CDO1: variants seen among roughly 807,000 people sequenced by gnomAD.
CDO1 encodes cysteine dioxygenase, type I.
In CDO1, 19 loss-of-function variants were observed where a neutral mutation model predicts 24.5. That is an observed-to-expected ratio of 0.77 (90% confidence interval 0.54 to 1.14). The LOEUF (loss-of-function observed/expected upper bound fraction) is 1.14, where lower values mean the gene tolerates loss of function less well. CDO1 is among the 50% of genes most tolerant of loss of function. The pLI, the probability that CDO1 is intolerant of heterozygous loss-of-function variation, is 0.00. For missense variants in CDO1, 244 were observed against 244.8 expected (o/e 1.00, Z 0.02); for synonymous variants, 91 against 87.0 (o/e 1.05, Z -0.26).
chr5:115,813,427 T>C lies in CDO1; in HGVS notation c.171-169A>G, dbSNP rs1760285324. Among the ~76,000 whole-genome samples the C allele has an allele frequency of 2.6e-5, 4 of 152,212 alleles. No individual in the cohort carries two copies. The South Asian group carries it at 8.3e-4, about 32-fold the overall frequency. On this transcript the variant is annotated intron_variant, in intron 1 of 4. Transcript: ENST00000250535. ...GAAATCCAACACAAATGAAAAATCC[T>C]TTTTCACAGTTCATTTTGAACCGCT...
intron 2 of CDO1, among the ~76,000 whole-genome samples, chr5:115,811,923 T>C (rs1276484000): frequency 6.6e-6 from 1 of 152,182 alleles, no homozygotes; most frequent in Non-Finnish European, 1.5e-5. Flanking sequence ...CCAACATTGG[T>C]GGGAAAAAGT....
chr5:115,812,409 T>C (rs2112689540), intron 2 of CDO1, among the ~76,000 whole-genome samples: 1 of 152,334 alleles, frequency 6.6e-6, no homozygotes, highest in East Asian at 1.9e-4. Context: ...AAAGAATCAG[T>C]ATAAGTTGCC....
intron 1 of CDO1, 78 bp from the exon 2 acceptor site, chr5:115,813,336 G>T: frequency 1.3e-6 from 1 of 770,080 alleles, no homozygotes; most frequent in East Asian, 2.5e-5. Context: ...GTGTCACCAA[G>T]TACCATTTAT....
At position 115,813,157 on chromosome 5, in the gene CDO1, T is replaced by C. The variant is rs576306177; in HGVS notation, c.248+24A>G. The C allele has an allele frequency of 2.5e-5, 34 of 1,341,782 alleles. 1 individual carries two copies. In the South Asian group the frequency reaches 3.9e-4, roughly 15 times the overall value. 83.1% of individuals were successfully genotyped at this position (1,341,782 alleles called of 1,614,324 possible). Reference sequence around the variant, plus strand: ...GCTAGAAAACATGCTCTAATAAATATCTGTGAATGAATAGTTATTTTACCT... The same window carrying C: ...GCTAGAAAACATGCTCTAATAAATACCTGTGAATGAATAGTTATTTTACCT... On this transcript the variant is annotated intron_variant, in intron 2 of 4. Coordinates refer to ENST00000250535, the MANE Select transcript of CDO1 (RefSeq NM_001801.3).
chr5:115,808,521 G>GA (rs1340598140), intron 3 of CDO1, among the ~76,000 whole-genome samples: 1 of 151,586 alleles, frequency 6.6e-6, no homozygotes, highest in Admixed American at 6.6e-5. Flanking sequence ...AACCAAGAAT[G>GA]AAAAAAAATC....
At chr5:115,813,319 A>C (rs1349917311) in intron 1 of CDO1, 61 bp from the exon 2 acceptor site, 5 of 894,074 alleles carry the variant, frequency 5.6e-6, no homozygotes, top group Non-Finnish European at 9.4e-6. Flanking sequence ...CACTGGAAAA[A>C]ATAAGTGTGT....
Position 115,816,247 on chromosome 5 carries a change from C to G in CDO1, c.151G>C (p.Ala51Pro). 1 of 1,614,154 alleles carries G rather than the reference C, an allele frequency of 6.2e-7. No individual in the cohort carries two copies. The highest frequency in any genetic ancestry group is 1.7e-5 in the Admixed American group (1 of 60,024). Residue 51 changes from alanine to proline, a missense_variant, in exon 1 of 5, where the codon GCC (alanine) becomes CCC (proline). Physicochemically the swap from Ala to Pro is conservative, Grantham distance 27. Transcript: ENST00000250535. ...ESDPTEWAMY[A>P]KFDQYRYTRN... ...GCTCACCTGTACTGGTCGAACTTGG[C>G]GTACATTGCCCACTCGGTGGGGTCG...
At chr5:115,816,069 T>G (rs1760424858) in intron 1 of CDO1, among the ~76,000 whole-genome samples, 159 bp downstream of exon 1, 1 of 152,018 alleles carries the variant, frequency 6.6e-6, no homozygotes, top group Admixed American at 6.5e-5. Context: ...CCCAAGCGAG[T>G]CGTGCCAGCC....
chr5:115,808,896 C>T (rs563645987), intron 3 of CDO1, among the ~76,000 whole-genome samples: 1 of 152,158 alleles, frequency 6.6e-6, no homozygotes, highest in Admixed American at 6.5e-5. Context: ...TGATCTAGCT[C>T]CATGAGTGCA....
intron 3 of CDO1, chr5:115,809,816 C>T (rs1036350363): frequency 4.6e-5 from 7 of 152,060 alleles, no homozygotes; most frequent in Admixed American, 3.9e-4. Flanking sequence ...CATATAAAAC[C>T]CAGAATTTCC....
In CDO1 at chr5:115,805,505, C is replaced by A. The variant is rs187114576; in HGVS notation, c.574-43G>T. 7,926 of 1,595,636 alleles carry A rather than the reference C, an allele frequency of 5.0e-3. 33 individuals carry two copies. The highest frequency in any genetic ancestry group is 5.6e-3 in the Non-Finnish European group (6,474 of 1,164,626). On this transcript the variant is annotated intron_variant, in intron 4 of 4. Coordinates refer to ENST00000250535, the MANE Select transcript of CDO1 (RefSeq NM_001801.3). The stretch of plus-strand genomic sequence containing the variant: ...AAAGAAAGCTGTGTAAGAAACTTTA[C>A]AAAAGACATTTTAACTCCTTCTAAA...
intron 3 of CDO1, 140 bp from the exon 4 acceptor site, chr5:115,806,658 A>T: frequency 1.5e-6 from 1 of 658,096 alleles, no homozygotes; most frequent in Admixed American, 3.6e-5. Flanking sequence ...ACTTGCAGTT[A>T]AAGATAGTAA....
chr5:115,810,506 C>G (rs1032907506), intron 3 of CDO1, among the ~76,000 whole-genome samples: 95 of 152,142 alleles, frequency 6.2e-4, no homozygotes, highest in African/African-American at 2.2e-3. Flanking sequence ...TTTAATCTTC[C>G]TATGTGTTGG....
chr5:115,809,738 A>G (rs905237314), intron 3 of CDO1: 8 of 152,196 alleles, frequency 5.3e-5, no homozygotes, highest in African/African-American at 1.7e-4. Flanking sequence ...CTTTTAAGTT[A>G]TTTGGGTAAT....
intron 1 of CDO1, among the ~76,000 whole-genome samples, chr5:115,815,617 T>C (rs2112697708): frequency 6.6e-6 from 1 of 152,326 alleles, no homozygotes; most frequent in East Asian, 1.9e-4. Context: ...CAAGACGCTA[T>C]TTTACATGAG....
Position 115,816,555 on chromosome 5 carries a change from T to A in CDO1, c.-158A>T, listed in dbSNP as rs1580550958. On this transcript the variant is annotated 5_prime_UTR_variant, in exon 1 of 5. Transcript: ENST00000250535. ...GCATTAGAGTGCCGAAACGTAAGGA[T>A]GTCGTCGCAGAGACAGCAAGAGACC... 7.6e-6 allele frequency: 6 copies of A among 785,676 alleles called. No individual in the cohort carries two copies. In the East Asian group the frequency reaches 1.6e-4, roughly 20 times the overall value. 48.7% of individuals were successfully genotyped at this position (785,676 alleles called of 1,614,324 possible).
At chr5:115,813,047 CAAAAAAAAAA>C (rs1011228490) in intron 2 of CDO1, 124 bp downstream of exon 2, 12 of 152,744 alleles carry the variant, frequency 7.9e-5, no homozygotes, top group Admixed American at 4.7e-4. Flanking sequence ...ACCACTGTCT[CAAAAAAAAAA>C]AAAAAAAAAA....
At position 115,805,353 on chromosome 5, in the gene CDO1, A is replaced by G; in HGVS notation, c.*80T>C. On this transcript the variant is annotated 3_prime_UTR_variant, in exon 5 of 5. Coordinates refer to ENST00000250535, the MANE Select transcript of CDO1 (RefSeq NM_001801.3). ...GGCTTATTTAAGTATATTACTGGATAGCACGTGGTAGGTAGCCTTTTTGTC... is the reference window on the plus strand; with the variant it reads ...GGCTTATTTAAGTATATTACTGGATGGCACGTGGTAGGTAGCCTTTTTGTC... The G allele has an allele frequency of 8.5e-7, 1 of 1,169,720 alleles. No homozygotes were observed. The highest frequency in any genetic ancestry group is 1.3e-5 in the South Asian group (1 of 78,576). The allele number at this position is 1,169,720 out of a possible 1,614,324, so 72.5% of individuals were successfully genotyped here.
Position 115,816,588 on chromosome 5 carries a change from A to G in CDO1, c.-191T>C. ...CAGAGACAGCAAGAGACCCACCCCC[A>G]GGCCCCTGGCAGCGCAGTGGATCCG... On this transcript the variant is annotated 5_prime_UTR_variant, in exon 1 of 5. Transcript: ENST00000250535. 1.6e-6 allele frequency: 1 copy of G among 617,750 alleles called. No individual in the cohort carries two copies. Among genetic ancestry groups the G allele is most frequent in the Non-Finnish European group, 2.8e-6 (1 of 354,910 alleles). 38.3% of individuals were successfully genotyped at this position (617,750 alleles called of 1,614,324 possible). A position where few individuals can be genotyped will look rare whatever the true frequency, so the allele number is the denominator to read the frequency against.
Sources: gnomAD v4.1 joint callset for allele counts (sites outside exome capture counted in the v4.1 genomes callset) on GRCh38, gnomAD v4.1.1 for gene constraint, MANE v1.5 for transcripts, NCBI Gene and HGNC (gene_info 2026-07-23, HGNC 2026-07-21) for gene names.